The following HIP1R variants were observed in gnomAD, a reference collection of about 807,000 sequenced individuals.
HIP1R encodes huntingtin interacting protein 1 related.
HIP1R carries 135 observed loss-of-function variants against 144.2 expected under a neutral mutation model. The ratio of observed to expected loss-of-function variants is 0.94; its 90% CI spans 0.81 to 1.08. The LOEUF is 1.08. HIP1R is among the 50% of genes least tolerant of loss of function. The pLI is 0.00. For missense variants in HIP1R, 1,462 were observed against 1,432.8 expected (o/e 1.02, Z -0.33); for synonymous variants, 698 against 612.8 (o/e 1.14, Z -2.05).
chr12:122,860,047 G>C lies in HIP1R; in HGVS notation c.2466G>C (p.Arg822Ser), dbSNP rs757873697. 3 of 1,556,474 alleles carry C rather than the reference G, an allele frequency of 1.9e-6. No individual in the cohort carries two copies. The highest frequency in any genetic ancestry group is 2.6e-6 in the Non-Finnish European group (3 of 1,152,258). ...SSGVKLEVNE[R>S]ILNSCTDLMK... ...CTAAGTCTCTCCTTCTCTCCCCCAG[G>C]ATCCTCAACTCCTGCACAGACCTGA... The change falls in exon 25 of 32, where the codon AGG (arginine) becomes AGC (serine). Residue 822 changes from arginine to serine, a missense_variant and splice_region_variant. Physicochemically the swap from Arg to Ser is moderately radical, Grantham distance 110. Transcript: ENST00000253083.
At chr12:122,858,483 C>T (rs1253701960) in intron 20 of HIP1R, 48 bp downstream of exon 20, 8 of 1,458,228 alleles carry the variant, frequency 5.5e-6, no homozygotes, top group South Asian at 1.3e-5. Flanking sequence ...GTCCCAGTTC[C>T]AGCGCCCATG....
intron 31 of HIP1R, 69 bp from the exon 32 acceptor site, chr12:122,861,637 G>A (rs2135681798): frequency 1.3e-6 from 2 of 1,594,946 alleles, no homozygotes; most frequent in African/African-American, 1.3e-5. Context: ...GGAGGAGCTT[G>A]CTCAAGGGAG....
At position 122,859,834 on chromosome 12, in the gene HIP1R, A is replaced by G; in HGVS notation, c.2465+4A>G. 1 of 1,611,890 alleles carries G rather than the reference A, an allele frequency of 6.2e-7. No homozygotes were observed. Among genetic ancestry groups the G allele is most frequent in the Non-Finnish European group, 8.5e-7 (1 of 1,179,312 alleles). ...TGAAGCTGGAGGTGAACGAGAGGTG[A>G]GCCCCCCTTCTGTCCCCCCAGGCCC... On this transcript the variant is annotated splice_donor_region_variant and intron_variant, in intron 24 of 31. Transcript: ENST00000253083.
intron 1 of HIP1R, among the ~76,000 whole-genome samples, chr12:122,837,045 G>A (rs1027189802): frequency 6.6e-6 from 1 of 152,178 alleles, no homozygotes; most frequent in African/African-American, 2.4e-5. Flanking sequence ...ATTGTGCCAA[G>A]AACTTGTAGA....
At chr12:122,835,710 C>A in intron 1 of HIP1R, 67 bp downstream of exon 1, 1 of 1,006,536 alleles carries the variant, frequency 9.9e-7, no homozygotes, top group South Asian at 4.5e-5. Flanking sequence ...GTCCCTGACC[C>A]CTCACGCGCG....
intron 20 of HIP1R, 123 bp from the exon 21 acceptor site, chr12:122,858,715 T>C (rs907062674): frequency 5.2e-6 from 4 of 764,672 alleles, no homozygotes; most frequent in Non-Finnish European, 9.1e-6. Flanking sequence ...TCCTGGACGT[T>C]GTCTTGCCGA....
chr12:122,842,041 G>A (rs892064950), intron 1 of HIP1R, among the ~76,000 whole-genome samples: 4 of 152,144 alleles, frequency 2.6e-5, no homozygotes, highest in African/African-American at 9.7e-5. Context: ...TGTCCGCCTC[G>A]CTGCTTTGCG....
chr12:122,845,641 G>A (rs145844317), intron 1 of HIP1R, among the ~76,000 whole-genome samples: 453 of 152,276 alleles, frequency 3.0e-3, no homozygotes, highest in African/African-American at 9.2e-3. Context: ...GCTTCCCCTC[G>A]TGTTGCTGAC....
intron 4 of HIP1R, among the ~76,000 whole-genome samples, chr12:122,849,408 C>G (rs1406322946): frequency 6.6e-6 from 1 of 152,246 alleles, no homozygotes; most frequent in African/African-American, 2.4e-5. Flanking sequence ...CGGGTACCCA[C>G]AGGGAGGCCT....
chr12:122,855,643 G>A (rs1256485228), intron 12 of HIP1R, 31 bp downstream of exon 12: 1 of 1,548,934 alleles, frequency 6.5e-7, no homozygotes, highest in Non-Finnish European at 8.7e-7. Context: ...CTGGGCTGGG[G>A]GTGGTTGGAA....
At chr12:122,849,646 C>T (rs755687441) in intron 4 of HIP1R, among the ~76,000 whole-genome samples, 12 of 152,272 alleles carry the variant, frequency 7.9e-5, no homozygotes, top group Non-Finnish European at 1.6e-4. Flanking sequence ...ACTGGCCTGC[C>T]GCCCTGGACA....
At chr12:122,861,236 G>A (rs369408228) in intron 30 of HIP1R, 44 bp downstream of exon 30, 137 of 1,612,974 alleles carry the variant, frequency 8.5e-5, no homozygotes, top group Admixed American at 6.7e-4. Flanking sequence ...CTCATCCCTC[G>A]GGCGAAGCCT....
intron 8 of HIP1R, among the ~76,000 whole-genome samples, chr12:122,854,700 G>A (rs1593879875): frequency 3.3e-5 from 5 of 152,290 alleles, no homozygotes; most frequent in Admixed American, 3.3e-4. Context: ...CTTTCCATTC[G>A]CTGTTTCCTT....
Position 122,856,015 on chromosome 12 carries a change from G to A in HIP1R, c.1164G>A (p.Val388=), listed in dbSNP as rs1190704129. 6.3e-7 allele frequency: 1 copy of A among 1,595,960 alleles called. No homozygotes were observed. The highest frequency in any genetic ancestry group is 8.5e-7 in the Non-Finnish European group (1 of 1,171,580). ...ACATCGCGCAGCTGAAGAGCCAGGT[G>A]AATGCACTGGAGGGTGAGCTGGAGG... is the stretch of plus-strand genomic sequence containing the variant. ...QRYIAQLKSQ[V]NALEGELEEQ... The change falls in exon 14 of 32, where the codon GTG becomes GTA. Residue 388 remains valine (V), a synonymous_variant. Coordinates refer to ENST00000253083, the MANE Select transcript of HIP1R (RefSeq NM_003959.3).
chr12:122,852,732 G>A (rs1037056576), intron 7 of HIP1R, among the ~76,000 whole-genome samples: 1 of 152,148 alleles, frequency 6.6e-6, no homozygotes, highest in African/African-American at 2.4e-5. Flanking sequence ...AGAACGGAGG[G>A]TGGTGGGAAG....
chr12:122,847,493 C>T (rs1388816402), intron 1 of HIP1R, among the ~76,000 whole-genome samples: 2 of 152,226 alleles, frequency 1.3e-5, no homozygotes, highest in Non-Finnish European at 2.9e-5. Flanking sequence ...GGTGAGGCCC[C>T]ACCCAGGAGA....
chr12:122,861,859 G>A lies in HIP1R; in HGVS notation c.*106G>A, dbSNP rs1028146041. On this transcript the variant is annotated 3_prime_UTR_variant, in exon 32 of 32. Coordinates refer to ENST00000253083, the MANE Select transcript of HIP1R (RefSeq NM_003959.3). ...CCTCCACCTGGTGCCCAAGCCTCCC[G>A]CCCCACCGTCTGGATCAATGTCCTC... is the stretch of plus-strand genomic sequence containing the variant. The A allele has an allele frequency of 1.3e-5, 14 of 1,037,286 alleles. No individual in the cohort carries two copies. The highest frequency in any genetic ancestry group is 6.3e-5 in the African/African-American group (4 of 63,120). The allele number at this position is 1,037,286 out of a possible 1,614,324, so 64.3% of individuals were successfully genotyped here.
chr12:122,851,438 C>A, intron 7 of HIP1R, 141 bp downstream of exon 7: 1 of 620,574 alleles, frequency 1.6e-6, no homozygotes, highest in Non-Finnish European at 2.5e-6. Flanking sequence ...TGGCTCACAT[C>A]TGTAATCCCA....
At chr12:122,852,971 C>G (rs1467497983) in intron 7 of HIP1R, among the ~76,000 whole-genome samples, 1 of 152,292 alleles carries the variant, frequency 6.6e-6, no homozygotes, top group Admixed American at 6.5e-5. Flanking sequence ...TGCCCCTCCC[C>G]CCCAGGCTCT....
Sources: gnomAD v4.1 joint callset for allele counts (sites outside exome capture counted in the v4.1 genomes callset) on GRCh38, gnomAD v4.1.1 for gene constraint, MANE v1.5 for transcripts, NCBI Gene and HGNC (gene_info 2026-07-23, HGNC 2026-07-21) for gene names.